Variants in RMI1 observed in about 807,000 individuals in gnomAD.
The protein encoded by RMI1 is RecQ mediated genome instability 1, also known as recQ-mediated genome instability protein 1.
A neutral mutation model predicts 46.7 loss-of-function variants in RMI1; 36 were observed. The observed-to-expected ratio is 0.77, with a 90% confidence interval of 0.59 to 1.02. The LOEUF (loss-of-function observed/expected upper bound fraction) is 1.02. Ranked by LOEUF, RMI1 falls within the 50% of genes least tolerant of loss-of-function variation. The pLI is 0.00. For synonymous variants in RMI1, 250 were observed against 252.9 expected (o/e 0.99, Z 0.11); for missense variants, 676 against 713.7 (o/e 0.95, Z 0.60).
chr9:83,986,229 G>A (rs1473147216), intron 1 of RMI1, among the ~76,000 whole-genome samples: 1 of 152,190 alleles, frequency 6.6e-6, no homozygotes, highest in Non-Finnish European at 1.5e-5. Context: ...TATAGTAGGT[G>A]TAGGTGATAT....
chr9:83,999,188 TA>T (rs113984540), intron 1 of RMI1, among the ~76,000 whole-genome samples: 136 of 149,566 alleles, frequency 9.1e-4, no homozygotes, highest in East Asian at 4.5e-3. Flanking sequence ...TAAAATAAAA[TA>T]AAAAAAAATA....
intron 1 of RMI1, among the ~76,000 whole-genome samples, chr9:83,983,458 G>C (rs1312059983): frequency 1.3e-5 from 2 of 152,124 alleles, no homozygotes; most frequent in African/African-American, 4.8e-5. Flanking sequence ...CATCCTCAAT[G>C]AATTAAAATG....
intron 1 of RMI1, among the ~76,000 whole-genome samples, chr9:83,986,173 G>A (rs1177241451): frequency 6.6e-6 from 1 of 152,194 alleles, no homozygotes; most frequent in African/African-American, 2.4e-5. Context: ...AAAAGGAAAA[G>A]TAGTACTTAA....
At chr9:83,984,863 C>T (rs530557909) in intron 1 of RMI1, among the ~76,000 whole-genome samples, 55 of 152,178 alleles carry the variant, frequency 3.6e-4, no homozygotes, top group African/African-American at 1.2e-3. Context: ...GCACCCAGCC[C>T]GAACATATCT....
intron 1 of RMI1, among the ~76,000 whole-genome samples, chr9:83,991,276 A>G (rs1957569986): frequency 6.7e-6 from 1 of 149,476 alleles, no homozygotes; most frequent in Non-Finnish European, 1.5e-5. Flanking sequence ...TCTTTTATGC[A>G]TCATGGATCA....
intron 1 of RMI1, among the ~76,000 whole-genome samples, chr9:83,991,136 A>G (rs970416192): frequency 2.6e-5 from 4 of 152,116 alleles, no homozygotes; most frequent in Non-Finnish European, 1.5e-5. Context: ...AATTTTAAAA[A>G]TTCTTTGGAT....
intron 1 of RMI1, among the ~76,000 whole-genome samples, chr9:83,981,195 C>G (rs1049972193): frequency 1.3e-5 from 2 of 152,326 alleles, no homozygotes; most frequent in African/African-American, 2.4e-5. Context: ...AACTTCTCGC[C>G]GAGAGGGCAC....
At chr9:83,995,652 T>G (rs772214843) in intron 1 of RMI1, among the ~76,000 whole-genome samples, 4 of 149,808 alleles carry the variant, frequency 2.7e-5, no homozygotes, top group Non-Finnish European at 4.4e-5. Context: ...GTTCTTGAAC[T>G]CCTGACCTCA....
chr9:83,991,930 T>C (rs1023475354), intron 1 of RMI1, among the ~76,000 whole-genome samples: 1 of 152,226 alleles, frequency 6.6e-6, no homozygotes, highest in African/African-American at 2.4e-5. Flanking sequence ...CCTCCAACTT[T>C]GTTTTTCTTT....
chr9:83,999,651 T>A (rs1335086960), intron 1 of RMI1, 58 bp from the exon 2 acceptor site: 1 of 152,194 alleles, frequency 6.6e-6, no homozygotes, highest in Non-Finnish European at 1.5e-5. Context: ...AAGAAAATAG[T>A]CCTGTCTTTC....
rs779550730 is a variant in RMI1, at chr9:84,002,314, T to C, written c.1328T>C (p.Leu443Ser). The C allele has an allele frequency of 6.3e-7, 1 of 1,599,500 alleles. No individual in the cohort carries two copies. The highest frequency in any genetic ancestry group is 1.1e-5 in the South Asian group (1 of 90,362). ...AGCCATTCCTTAAATAATAAAATAT[T>C]AAATAGAGAGGTGGTCAACTATGTA... ...SDSHSLNNKI[L>S]NREVVNYVQK... Residue 443 changes from leucine (L) to serine (S), a missense_variant, in exon 3 of 3, where the codon TTA (leucine) becomes TCA (serine). Transcript: ENST00000445877.
intron 1 of RMI1, among the ~76,000 whole-genome samples, chr9:83,984,040 T>C (rs1340235023): frequency 1.3e-5 from 2 of 152,158 alleles, no homozygotes; most frequent in South Asian, 2.1e-4. Context: ...TGGTAAACTC[T>C]CTGCCACATA....
At chr9:83,980,739 G>T (rs1199981122), upstream of RMI1, 1 of 152,450 alleles carries the variant, frequency 6.6e-6, no homozygotes, top group African/African-American at 2.4e-5. Flanking sequence ...AGCCCCGAAG[G>T]AGTCCTTTGG....
chr9:83,980,549 T>C, upstream of RMI1: 1 of 152,878 alleles, frequency 6.5e-6, no homozygotes. Flanking sequence ...TCGAGGTCGG[T>C]GCAGCAGAGA....
chr9:84,002,008 T>C lies in RMI1; in HGVS notation c.1022T>C (p.Phe341Ser), dbSNP rs1564086259. Residue 341 changes from phenylalanine to serine, a missense_variant, in exon 3 of 3, where the codon TTT becomes TCT. Physicochemically the swap from Phe to Ser is radical, Grantham distance 155. Transcript: ENST00000445877. ...METKELQPLTFNRNADRSIER... is the reference protein window; with the variant it reads ...METKELQPLTSNRNADRSIER... ...ACTAAGGAATTGCAACCATTGACTTTTAACAGAAATGCCGATCGAAGTATA... is the reference window on the plus strand; with the variant it reads ...ACTAAGGAATTGCAACCATTGACTTCTAACAGAAATGCCGATCGAAGTATA... 4 of 1,613,990 alleles carry C rather than the reference T, an allele frequency of 2.5e-6. No individual in the cohort carries two copies. Among genetic ancestry groups the C allele is most frequent in the African/African-American group, 1.3e-5 (1 of 75,052 alleles).
At chr9:83,992,711 T>C (rs1407788529) in intron 1 of RMI1, among the ~76,000 whole-genome samples, 1 of 152,238 alleles carries the variant, frequency 6.6e-6, no homozygotes, top group African/African-American at 2.4e-5. Flanking sequence ...AATCTGTGAA[T>C]GAAGATCAAT....
At position 84,001,781 on chromosome 9, in the gene RMI1, A is replaced by G; in HGVS notation, c.795A>G (p.Ser265=). The change falls in exon 3 of 3, where the codon TCA becomes TCG. Residue 265 remains serine, a synonymous_variant. Transcript: ENST00000445877. The part of the protein sequence containing the change: ...DELTANNDTS[S]ERCFTTGSSS... ...TTACAGCAAATAATGACACTTCCTC[A>G]GAACGATGTTTCACCACAGGTAGTT... is the stretch of plus-strand genomic sequence containing the variant. 1.9e-6 allele frequency: 3 copies of G among 1,614,094 alleles called. No individual in the cohort carries two copies. Among genetic ancestry groups the G allele is most frequent in the Non-Finnish European group, 2.5e-6 (3 of 1,179,970 alleles).
At chr9:83,989,238 G>A (rs1387529260) in intron 1 of RMI1, among the ~76,000 whole-genome samples, 1 of 152,100 alleles carries the variant, frequency 6.6e-6, no homozygotes, top group African/African-American at 2.4e-5. Flanking sequence ...AAACTACTAG[G>A]CAAAAACATT....
At chr9:83,995,727 A>G (rs1302455507) in intron 1 of RMI1, among the ~76,000 whole-genome samples, 2 of 152,160 alleles carry the variant, frequency 1.3e-5, no homozygotes, top group Non-Finnish European at 1.5e-5. Context: ...TGCGCCCAGC[A>G]GGTAATATCT....
Sources: allele counts gnomAD v4.1 joint callset (sites outside exome capture counted in the v4.1 genomes callset), GRCh38; gene constraint gnomAD v4.1.1; transcripts MANE v1.5; gene names NCBI Gene and HGNC (gene_info 2026-07-23, HGNC 2026-07-21).